The following MYCBPAP variants were observed in gnomAD, a reference collection of about 807,000 sequenced individuals.
MYCBPAP encodes MYCBP-associated protein.
In MYCBPAP, 60 loss-of-function variants were observed where a neutral mutation model predicts 106.1. That is an observed-to-expected ratio of 0.57 (90% confidence interval 0.46 to 0.70). The LOEUF is 0.70. Among genes scored for constraint, MYCBPAP ranks in the 30% least tolerant of loss-of-function variants. The pLI, the probability that MYCBPAP is intolerant of heterozygous loss-of-function variation, is 0.00. For missense variants in MYCBPAP, 1,064 were observed against 1,169.3 expected (o/e 0.91, Z 1.31); for synonymous variants, 407 against 440.6 (o/e 0.92, Z 0.95).
chr17:50,518,211 C>T (rs994656383), intron 4 of MYCBPAP, among the ~76,000 whole-genome samples: 8 of 152,216 alleles, frequency 5.3e-5, no homozygotes, highest in South Asian at 2.1e-4. Flanking sequence ...ATTGGTCAGG[C>T]GCTAAGGGGC....
Position 50,517,274 on chromosome 17 carries a change from T to A in MYCBPAP, c.205-19T>A. 4 of 1,613,046 alleles carry A rather than the reference T, an allele frequency of 2.5e-6. No homozygotes were observed. Among genetic ancestry groups the A allele is most frequent in the Non-Finnish European group, 3.4e-6 (4 of 1,179,098 alleles). ...CTGCCACCACAGGTGGAATTCTCCT[T>A]TGTTTTATTTCTTTTTAGCAACACA... is the stretch of plus-strand genomic sequence containing the variant. On this transcript the variant is annotated intron_variant, in intron 2 of 18. Coordinates refer to ENST00000323776, the MANE Select transcript of MYCBPAP (RefSeq NM_032133.6).
In MYCBPAP at chr17:50,517,306, G is replaced by T; in HGVS notation, c.218G>T (p.Arg73Leu). ...ATTTCTTTTTAGCAACACATTCCTCGCCTTACTGAAAAGGAAGATAAACGT... is the reference window on the plus strand; with the variant it reads ...ATTTCTTTTTAGCAACACATTCCTCTCCTTACTGAAAAGGAAGATAAACGT... ...KEDLKEQHIP[R>L]LTEKEDKRVI... Residue 73 changes from arginine (R) to leucine (L), a missense_variant, in exon 3 of 19, where the codon CGC (arginine) becomes CTC (leucine). By Grantham distance (102) the Arg-to-Leu change is moderately radical. Coordinates refer to ENST00000323776, the MANE Select transcript of MYCBPAP (RefSeq NM_032133.6). 4 of 1,613,976 alleles carry T rather than the reference G, an allele frequency of 2.5e-6. No individual in the cohort carries two copies. The highest frequency in any genetic ancestry group is 2.2e-5 in the East Asian group (1 of 44,882).
chr17:50,509,225 A>G, intron 1 of MYCBPAP: 4 of 691,636 alleles, frequency 5.8e-6, no homozygotes, highest in Non-Finnish European at 1.1e-5. Flanking sequence ...GGCGTCACTT[A>G]GGATTCCTGC....
rs766900803 is a variant in MYCBPAP at position 50,521,378 on chromosome 17, C to T, written c.1095C>T (p.Asp365=). The change falls in exon 9 of 19, where the codon GAC becomes GAT. Residue 365 remains aspartate, a synonymous_variant. Transcript: ENST00000323776. ...CCTTCTCGGCTGTTACTGTGGAAGA[C>T]TACACAGTGTTTGAAAGAAGTCAGG... ...GWPFSAVTVE[D]YTVFERSQGS... The T allele has an allele frequency of 1.2e-6, 2 of 1,605,606 alleles. No individual in the cohort carries two copies. The highest frequency in any genetic ancestry group is 2.2e-5 in the South Asian group (2 of 89,214).
chr17:50,508,179 G>A (rs753386296), upstream of MYCBPAP: 38 of 219,068 alleles, frequency 1.7e-4, no homozygotes, highest in Middle Eastern at 1.6e-3. Flanking sequence ...GCAGAGGGAG[G>A]TCCCTCGACA....
chr17:50,522,968 C>G lies in MYCBPAP; in HGVS notation c.1287C>G (p.Thr429=), dbSNP rs1380240526. The change falls in exon 11 of 19, where the codon ACC becomes ACG. Residue 429 remains threonine (T), a synonymous_variant. Transcript: ENST00000323776. ...AGGTTGGGATTGCTGCTCACTTGAC[C>G]TTTGAAACCCTAGAAGGCGAGAAAA... ...KRQVGIAAHL[T]FETLEGEKTS... The G allele has an allele frequency of 4.3e-6, 7 of 1,612,654 alleles. No individual in the cohort carries two copies. The East Asian group carries it at 1.6e-4, about 36-fold the overall frequency.
At chr17:50,519,341 C>T (rs2034173275) in intron 6 of MYCBPAP, 1 of 586,372 alleles carries the variant, frequency 1.7e-6, no homozygotes, top group Non-Finnish European at 3.0e-6. Flanking sequence ...CTCCTAGGAG[C>T]TTAGACTGAG....
At chr17:50,525,815 A>G in intron 13 of MYCBPAP, 66 bp from the exon 14 acceptor site, 2 of 1,505,250 alleles carry the variant, frequency 1.3e-6, no homozygotes, top group Middle Eastern at 2.5e-4. Flanking sequence ...GTCCTTATTT[A>G]CATTGAAGAA....
Position 50,521,339 on chromosome 17 carries a change from G to A in MYCBPAP, c.1056G>A (p.Val352=), listed in dbSNP as rs747109405. ...AGGATATTGATGGCCTGGAGGTGGT[G>A]GGCAAAGGGTGGCCCTTCTCGGCTG... ...SQQDIDGLEV[V]GKGWPFSAVT... Residue 352 remains valine (V), a synonymous_variant, in exon 9 of 19, where the codon GTG becomes GTA. Coordinates refer to ENST00000323776, the MANE Select transcript of MYCBPAP (RefSeq NM_032133.6). 1 of 1,604,728 alleles carries A rather than the reference G, an allele frequency of 6.2e-7. No individual in the cohort carries two copies. Among genetic ancestry groups the A allele is most frequent in the Non-Finnish European group, 8.5e-7 (1 of 1,175,078 alleles).
chr17:50,525,118 A>G, intron 13 of MYCBPAP, 95 bp downstream of exon 13: 1 of 1,450,428 alleles, frequency 6.9e-7, no homozygotes, highest in Non-Finnish European at 9.4e-7. Flanking sequence ...GCAGTGGGTG[A>G]GCCAGCATTA....
chr17:50,512,178 C>T (rs1240249265), intron 1 of MYCBPAP, among the ~76,000 whole-genome samples: 16 of 151,972 alleles, frequency 1.1e-4, no homozygotes, highest in Non-Finnish European at 1.5e-4. Flanking sequence ...CTCAGCCTCC[C>T]GAGTAGCTGG....
At chr17:50,517,123 G>C (rs2143927298) in intron 2 of MYCBPAP, among the ~76,000 whole-genome samples, 170 bp from the exon 3 acceptor site, 1 of 152,172 alleles carries the variant, frequency 6.6e-6, no homozygotes, top group Admixed American at 6.5e-5. Context: ...ATATTACTAA[G>C]TCACATATCT....
chr17:50,523,260 T>G, intron 11 of MYCBPAP, 132 bp downstream of exon 11: 1 of 907,518 alleles, frequency 1.1e-6, no homozygotes, highest in Non-Finnish European at 1.7e-6. Flanking sequence ...GTCCCTCTCA[T>G]TCCTTCTGTG....
At chr17:50,530,029 T>G in intron 18 of MYCBPAP, 6 of 367,916 alleles carry the variant, frequency 1.6e-5, no homozygotes, top group Non-Finnish European at 3.3e-5. Flanking sequence ...GGAGCTGGGA[T>G]TACATCATGT....
In MYCBPAP at chr17:50,517,280, T is replaced by G; in HGVS notation, c.205-13T>G. 2 of 1,613,848 alleles carry G rather than the reference T, an allele frequency of 1.2e-6. No homozygotes were observed. Among genetic ancestry groups the G allele is most frequent in the Non-Finnish European group, 8.5e-7 (1 of 1,179,722 alleles). On this transcript the variant is annotated splice_polypyrimidine_tract_variant and intron_variant, in intron 2 of 18. Coordinates refer to ENST00000323776, the MANE Select transcript of MYCBPAP (RefSeq NM_032133.6). The stretch of plus-strand genomic sequence containing the variant: ...CCACAGGTGGAATTCTCCTTTGTTT[T>G]ATTTCTTTTTAGCAACACATTCCTC...
In MYCBPAP at chr17:50,531,458, C is replaced by T. The variant is rs114786096; in HGVS notation, c.*30C>T. The T allele has an allele frequency of 1.2e-3, 1,892 of 1,523,246 alleles. 23 individuals are homozygous for T. In the African/African-American group the frequency reaches 0.021, roughly 17 times the overall value. The allele number at this position is 1,523,246 out of a possible 1,614,324, so 94.4% of individuals were successfully genotyped here. ...CGGGCCCAAGCAACCTTCTGGAAAA[C>T]GGGTTAATAAATAAATCAATAAAGA... On this transcript the variant is annotated 3_prime_UTR_variant, in exon 19 of 19. Transcript: ENST00000323776.
chr17:50,530,042 T>C, intron 18 of MYCBPAP: 1 of 365,902 alleles, frequency 2.7e-6, no homozygotes, highest in South Asian at 2.0e-5. Context: ...CATCATGTAT[T>C]GTGGTCACAC....
At chr17:50,510,902 T>C (rs893493758) in intron 1 of MYCBPAP, among the ~76,000 whole-genome samples, 2 of 152,054 alleles carry the variant, frequency 1.3e-5, no homozygotes, top group African/African-American at 4.8e-5. Flanking sequence ...TCCTAGCCAC[T>C]GCCTCCTGCT....
rs149804358 is a variant in MYCBPAP at position 50,517,423 on chromosome 17, A to G, written c.335A>G (p.Asp112Gly). Residue 112 changes from aspartate to glycine, a missense_variant, in exon 3 of 19, where the codon GAT (aspartate) becomes GGT (glycine). Transcript: ENST00000323776. ...CTTGTAGCACGTCCTGCGAATCCTGATGAAGCCACAAAGCCTCTGGACTAC... is the reference window on the plus strand; with the variant it reads ...CTTGTAGCACGTCCTGCGAATCCTGGTGAAGCCACAAAGCCTCTGGACTAC... ...CHLVARPANP[D>G]EATKPLDYSG... 1.2e-6 allele frequency: 2 copies of G among 1,614,064 alleles called. No individual in the cohort carries two copies. The highest frequency in any genetic ancestry group is 1.7e-6 in the Non-Finnish European group (2 of 1,180,044).
Sources: allele counts gnomAD v4.1 joint callset (sites outside exome capture counted in the v4.1 genomes callset), GRCh38; gene constraint gnomAD v4.1.1; transcripts MANE v1.5; gene names NCBI Gene and HGNC (gene_info 2026-07-23, HGNC 2026-07-21).